POU6F2: variants seen among roughly 807,000 people sequenced by gnomAD.
POU6F2 encodes the protein POU domain, class 6, transcription factor 2.
A neutral mutation model predicts 71.3 loss-of-function variants in POU6F2; 31 were observed. The observed-to-expected ratio is 0.43, with a 90% CI of 0.33 to 0.59. The LOEUF (loss-of-function observed/expected upper bound fraction) is 0.59. Ranked by LOEUF, POU6F2 falls within the 20% of genes least tolerant of loss-of-function variation. The pLI is 0.04. For synonymous variants in POU6F2, 347 were observed against 355.7 expected (o/e 0.98, Z 0.27); for missense variants, 783 against 856.8 (o/e 0.91, Z 1.07).
chr7:39,293,366 C>T (rs571903521), intron 4 of POU6F2, among the ~76,000 whole-genome samples: 2 of 152,318 alleles, frequency 1.3e-5, no homozygotes, highest in South Asian at 4.1e-4. Context: ...GTGCTTCTGA[C>T]AATCCTAACA....
At chr7:39,040,101 G>A (rs367572985) in intron 1 of POU6F2, among the ~76,000 whole-genome samples, 14 of 9,052 alleles carry the variant, frequency 1.5e-3, no homozygotes, top group Admixed American at 3.7e-3. Context: ...TTATATATAT[G>A]TATATATTAT....
At chr7:39,377,639 C>T (rs3800852) in intron 5 of POU6F2, among the ~76,000 whole-genome samples, 1 of 152,114 alleles carries the variant, frequency 6.6e-6, no homozygotes, top group African/African-American at 2.4e-5. Context: ...CCTGCTCCCC[C>T]CTCGCTGTGT....
At chr7:39,418,907 G>C (rs1583587132) in intron 6 of POU6F2, among the ~76,000 whole-genome samples, 1 of 146,872 alleles carries the variant, frequency 6.8e-6, no homozygotes, top group African/African-American at 2.5e-5. Flanking sequence ...GTGTGTGTGT[G>C]TGTATATATA....
At chr7:39,371,999 TC>T (rs2115756311) in intron 5 of POU6F2, among the ~76,000 whole-genome samples, 1 of 152,296 alleles carries the variant, frequency 6.6e-6, no homozygotes, top group South Asian at 2.1e-4. Flanking sequence ...CACTTCAGCC[TC>T]CAAATTCTGG....
chr7:39,085,271 G>C (rs1450596791), intron 1 of POU6F2: 2 of 152,128 alleles, frequency 1.3e-5, no homozygotes, highest in Non-Finnish European at 2.9e-5. Context: ...ACTTCTAAGG[G>C]TGCTTATAGA....
intron 1 of POU6F2, among the ~76,000 whole-genome samples, chr7:39,045,478 C>T (rs910399516): frequency 6.6e-6 from 1 of 151,676 alleles, no homozygotes; most frequent in Non-Finnish European, 1.5e-5. Context: ...CATAAACCTT[C>T]TTGATCTCTC....
chr7:39,095,791 G>A (rs191104807), intron 2 of POU6F2, among the ~76,000 whole-genome samples: 88 of 152,202 alleles, frequency 5.8e-4, no homozygotes, highest in African/African-American at 2.1e-3. Flanking sequence ...AAAGGGTAAG[G>A]GGTACCCAAA....
chr7:39,245,595 A>G (rs1451213559), intron 4 of POU6F2, among the ~76,000 whole-genome samples: 1 of 152,194 alleles, frequency 6.6e-6, no homozygotes, highest in African/African-American at 2.4e-5. Context: ...AGTTTGTTGG[A>G]AAGACTATTA....
rs116599074 is a variant in POU6F2, at chr7:39,356,718, T to C, written c.972+16703T>C. ...TCTTTGCAAAATTTCTTGACGAAGA[T>C]AACGATGACTAATGAAAGAAGAGCT... On this transcript the variant is annotated intron_variant, in intron 5 of 9. Coordinates refer to ENST00000518318, the MANE Select transcript of POU6F2 (RefSeq NM_001370959.1). 4.5e-3 allele frequency among the ~76,000 whole-genome samples: 688 copies of C among 152,296 alleles called. 4 individuals carry two copies. Among genetic ancestry groups the C allele is most frequent in the African/African-American group, 0.016 (651 of 41,570 alleles).
intron 5 of POU6F2, among the ~76,000 whole-genome samples, chr7:39,402,819 G>C (rs868346925): frequency 6.6e-6 from 1 of 152,146 alleles, no homozygotes; most frequent in East Asian, 1.9e-4. Flanking sequence ...ATAGGGAATA[G>C]TTACCCATGT....
At chr7:38,994,363 G>A (rs1220699218) in intron 1 of POU6F2, among the ~76,000 whole-genome samples, 3 of 152,086 alleles carry the variant, frequency 2.0e-5, no homozygotes, top group Admixed American at 2.0e-4. Context: ...GGGAGAAACA[G>A]GGAATTGATT....
Position 39,028,653 on chromosome 7 carries a change from G to A in POU6F2, c.105+50595G>A, listed in dbSNP as rs568706057. ...AATTAACACCTGTATGCTATTAAGC[G>A]TTCTAATCCATAATCATGATATATC... On this transcript the variant is annotated intron_variant, in intron 1 of 9. Coordinates refer to ENST00000518318, the MANE Select transcript of POU6F2 (RefSeq NM_001370959.1). Among the ~76,000 whole-genome samples, 90 of 151,828 alleles carry A rather than the reference G, an allele frequency of 5.9e-4. 1 individual carries two copies. The South Asian group carries it at 0.015, about 25-fold the overall frequency.
intron 2 of POU6F2, among the ~76,000 whole-genome samples, chr7:39,099,868 G>A (rs533254477): frequency 6.6e-6 from 1 of 152,252 alleles, no homozygotes; most frequent in East Asian, 1.9e-4. Flanking sequence ...TCTTGGGAGC[G>A]TGGATCAGAG....
chr7:39,284,990 C>A (rs1784626819), intron 4 of POU6F2, among the ~76,000 whole-genome samples: 1 of 152,184 alleles, frequency 6.6e-6, no homozygotes, highest in Non-Finnish European at 1.5e-5. Flanking sequence ...CCTGGGTCAG[C>A]CATGGGGATC....
At chr7:39,360,933 C>A (rs1786375566) in intron 5 of POU6F2, among the ~76,000 whole-genome samples, 1 of 152,152 alleles carries the variant, frequency 6.6e-6, no homozygotes, top group African/African-American at 2.4e-5. Context: ...TTCACTGCAA[C>A]CTGTTTTATC....
intron 1 of POU6F2, among the ~76,000 whole-genome samples, chr7:39,016,304 T>C (rs1446951517): frequency 6.7e-6 from 1 of 150,254 alleles, no homozygotes; most frequent in Non-Finnish European, 1.5e-5. Context: ...ATTTCCACTG[T>C]GAGCCAAGTA....
intron 1 of POU6F2, among the ~76,000 whole-genome samples, chr7:39,007,916 C>T (rs1283294294): frequency 3.3e-5 from 5 of 151,474 alleles, no homozygotes; most frequent in Non-Finnish European, 5.9e-5. Flanking sequence ...TTTCTTAATC[C>T]AGTCTATCAT....
At chr7:38,990,632 A>G (rs1254205818) in intron 1 of POU6F2, among the ~76,000 whole-genome samples, 1 of 152,146 alleles carries the variant, frequency 6.6e-6, no homozygotes, top group Non-Finnish European at 1.5e-5. Context: ...AGGGAACATA[A>G]TGCTTGGTAG....
chr7:39,454,834 T>C (rs1283638147), intron 8 of POU6F2, among the ~76,000 whole-genome samples: 3 of 150,266 alleles, frequency 2.0e-5, no homozygotes, highest in Non-Finnish European at 4.4e-5. Flanking sequence ...GTCATCCTAG[T>C]GTTGGCTAAC....
Sources: gnomAD v4.1 joint callset for allele counts (sites outside exome capture counted in the v4.1 genomes callset) on GRCh38, gnomAD v4.1.1 for gene constraint, MANE v1.5 for transcripts, NCBI Gene and HGNC (gene_info 2026-07-23, HGNC 2026-07-21) for gene names.